Variants in ROBO2 observed in about 807,000 individuals in gnomAD.
The protein encoded by ROBO2 is roundabout guidance receptor 2.
In ROBO2, 53 loss-of-function variants were observed where a neutral mutation model predicts 160.8. The observed-to-expected ratio is 0.33, with a 90% CI of 0.26 to 0.41. The LOEUF (loss-of-function observed/expected upper bound fraction) is 0.41, where lower values mean the gene tolerates loss of function less well. Among genes scored for constraint, ROBO2 ranks in the 10% least tolerant of loss-of-function variants. The probability of loss-of-function intolerance (pLI) is 1.00; values close to 1 mark genes in which losing one functional copy is unlikely to be tolerated. For missense variants in ROBO2, 1,577 were observed against 1,722.4 expected, an observed-to-expected ratio of 0.92 and a Z score of 1.49; for synonymous variants, 664 against 611.7, an observed-to-expected ratio of 1.09 and a Z score of -1.26.
At chr3:76,917,447 T>G (rs891555114) in intron 2 of ROBO2, among the ~76,000 whole-genome samples, 6 of 152,290 alleles carry the variant, frequency 3.9e-5, no homozygotes, top group South Asian at 4.1e-4. Flanking sequence ...GAGAAAATCA[T>G]GAAAACATTA....
intron 1 of ROBO2, among the ~76,000 whole-genome samples, chr3:75,917,321 G>A (rs1240345608): frequency 6.6e-6 from 1 of 152,086 alleles, no homozygotes; most frequent in African/African-American, 2.4e-5. Flanking sequence ...AGTTTGCTGA[G>A]GATGATGGTT....
At chr3:76,233,341 A>G (rs566375029) in intron 2 of ROBO2, among the ~76,000 whole-genome samples, 1 of 152,038 alleles carries the variant, frequency 6.6e-6, no homozygotes, top group South Asian at 2.1e-4. Context: ...ATGGGGTTTC[A>G]CCACGTTGGC....
At chr3:76,583,340 T>A (rs1387367588) in intron 2 of ROBO2, among the ~76,000 whole-genome samples, 1 of 152,116 alleles carries the variant, frequency 6.6e-6, no homozygotes, top group Non-Finnish European at 1.5e-5. Flanking sequence ...GAAGAAAAAA[T>A]TATGTTGAGA....
chr3:77,433,397 T>C (rs1036927759), intron 2 of ROBO2, among the ~76,000 whole-genome samples: 2 of 150,048 alleles, frequency 1.3e-5, no homozygotes, highest in Admixed American at 1.3e-4. Context: ...GTATCACTCC[T>C]AGATGACATC....
rs535397399 is a variant in ROBO2 at position 77,316,940 on chromosome 3, C to T, written c.389-160474C>T. 178 of 1,291,900 alleles carry T rather than the reference C, an allele frequency of 1.4e-4. 4 individuals carry two copies. The South Asian group carries it at 2.0e-3, about 15-fold the overall frequency. 80.0% of individuals were successfully genotyped at this position (1,291,900 alleles called of 1,614,324 possible). ...TGAGGGTCAGTCTGATACTTGGCTGCTGTTCCGAAGCGCGTGTTACTGTTT... is the reference window on the plus strand; with the variant it reads ...TGAGGGTCAGTCTGATACTTGGCTGTTGTTCCGAAGCGCGTGTTACTGTTT... On this transcript the variant is annotated intron_variant, in intron 2 of 25. Coordinates refer to ENST00000461745, the Ensembl canonical transcript of ROBO2.
chr3:76,884,253 A>G (rs1043049618), intron 2 of ROBO2, among the ~76,000 whole-genome samples: 5 of 152,212 alleles, frequency 3.3e-5, no homozygotes, highest in East Asian at 1.9e-4. Context: ...ATGGAATAAC[A>G]TCTATTTTGA....
At chr3:77,230,816 C>T (rs1183025658) in intron 2 of ROBO2, among the ~76,000 whole-genome samples, 3 of 152,106 alleles carry the variant, frequency 2.0e-5, no homozygotes, top group African/African-American at 4.8e-5. Flanking sequence ...TCCGGGTTTT[C>T]CTAAAATTAG....
intron 2 of ROBO2, among the ~76,000 whole-genome samples, chr3:76,870,470 G>C (rs2071910606): frequency 6.6e-6 from 1 of 152,114 alleles, no homozygotes; most frequent in Admixed American, 6.6e-5. Context: ...GTGTTCAGAT[G>C]ATCTTCCAGT....
At chr3:76,059,492 G>C (rs1326222535) in intron 2 of ROBO2, among the ~76,000 whole-genome samples, 1 of 151,848 alleles carries the variant, frequency 6.6e-6, no homozygotes, top group African/African-American at 2.4e-5. Flanking sequence ...CTTTTTGTTG[G>C]GGTTGTTTGT....
intron 2 of ROBO2, among the ~76,000 whole-genome samples, chr3:77,177,844 A>G (rs2080306587): frequency 6.6e-6 from 1 of 152,064 alleles, no homozygotes; most frequent in Admixed American, 6.6e-5. Context: ...CAATAAGTCA[A>G]CACAAATCTC....
At chr3:77,186,003 C>T (rs970946446) in intron 2 of ROBO2, among the ~76,000 whole-genome samples, 1 of 151,828 alleles carries the variant, frequency 6.6e-6, no homozygotes, top group African/African-American at 2.4e-5. Flanking sequence ...ATAAGAATGA[C>T]ACAATGGACT....
intron 2 of ROBO2, among the ~76,000 whole-genome samples, chr3:77,400,701 G>C (rs1043641262): frequency 2.0e-5 from 3 of 151,968 alleles, no homozygotes; most frequent in African/African-American, 7.3e-5. Flanking sequence ...GGTTAGTATG[G>C]GGCTAATTAT....
Position 77,040,561 on chromosome 3 carries a change from G to A in ROBO2, c.-225G>A, listed in dbSNP as rs2063985400. The stretch of plus-strand genomic sequence containing the variant: ...AGGAAGCCAGAGTGCTGGAAATACA[G>A]CAGCCTTTGAAGTACCCTCTGTTAA... On this transcript the variant is annotated 5_prime_UTR_variant, in exon 1 of 26. Transcript: ENST00000461745. The A allele has an allele frequency of 5.0e-6, 7 of 1,412,330 alleles. No individual in the cohort carries two copies. The South Asian group carries it at 1.1e-4, about 22-fold the overall frequency. 87.5% of individuals were successfully genotyped at this position (1,412,330 alleles called of 1,614,324 possible).
chr3:77,033,815 T>C (rs949003297), intron 2 of ROBO2, among the ~76,000 whole-genome samples: 10 of 152,088 alleles, frequency 6.6e-5, no homozygotes, highest in African/African-American at 2.4e-4. Flanking sequence ...AAAATTAATT[T>C]GTATGGCAAA....
At chr3:76,448,480 A>C (rs2077313489) in intron 2 of ROBO2, among the ~76,000 whole-genome samples, 1 of 152,114 alleles carries the variant, frequency 6.6e-6, no homozygotes, top group Non-Finnish European at 1.5e-5. Context: ...TTCCTGTTGA[A>C]GGGCTTCTGT....
chr3:77,019,160 G>A (rs1265725570), intron 2 of ROBO2, among the ~76,000 whole-genome samples: 1 of 152,108 alleles, frequency 6.6e-6, no homozygotes, highest in Admixed American at 6.6e-5. Context: ...ACCATAAACT[G>A]GGTATCTTAT....
chr3:76,106,884 C>T (rs538725730), intron 2 of ROBO2, among the ~76,000 whole-genome samples: 1 of 152,184 alleles, frequency 6.6e-6, no homozygotes, highest in South Asian at 2.1e-4. Flanking sequence ...CCCTTGTTTG[C>T]TACCACAAGG....
intron 2 of ROBO2, among the ~76,000 whole-genome samples, chr3:76,958,780 A>AAAAACAAAAC (rs71104643): frequency 1.3e-5 from 2 of 151,924 alleles, no homozygotes; most frequent in East Asian, 1.9e-4. Context: ...TGCGAGAGGC[A>AAAAACAAAAC]AAAACAAAAC....
chr3:76,323,143 AC>A (rs2072709732), intron 2 of ROBO2, among the ~76,000 whole-genome samples: 1 of 142,740 alleles, frequency 7.0e-6, no homozygotes, highest in South Asian at 2.7e-4. Flanking sequence ...AGTATTACAC[AC>A]ACACACACAC....
Sources: allele counts gnomAD v4.1 joint callset (sites outside exome capture counted in the v4.1 genomes callset), GRCh38; gene constraint gnomAD v4.1.1; transcripts MANE v1.5; gene names NCBI Gene and HGNC (gene_info 2026-07-23, HGNC 2026-07-21).